TIMP3: variants seen among roughly 807,000 people sequenced by gnomAD.
TIMP3 encodes the protein metalloproteinase inhibitor 3.
A neutral mutation model predicts 30.0 loss-of-function variants in TIMP3; 11 were observed. The observed-to-expected ratio is 0.37, with a 90% CI of 0.23 to 0.61. The LOEUF (loss-of-function observed/expected upper bound fraction) is 0.61, where lower values mean the gene tolerates loss of function less well. Among genes scored for constraint, TIMP3 ranks in the 20% least tolerant of loss-of-function variants. The pLI, the probability that TIMP3 is intolerant of heterozygous loss-of-function variation, is 0.70. For synonymous variants in TIMP3, 112 were observed against 111.3 expected (o/e 1.01, Z -0.04); for missense variants, 181 against 276.8 (o/e 0.65, Z 2.45).
chr22:32,855,595 T>C (rs182037839), intron 2 of TIMP3, among the ~76,000 whole-genome samples: 2 of 152,156 alleles, frequency 1.3e-5, no homozygotes, highest in South Asian at 4.1e-4. Flanking sequence ...TCCTACCTCA[T>C]AGGGTTGTCA....
At chr22:32,813,799 C>A (rs560594225) in intron 1 of TIMP3, among the ~76,000 whole-genome samples, 5 of 152,142 alleles carry the variant, frequency 3.3e-5, no homozygotes, top group South Asian at 2.1e-4. Context: ...CAAGTTAATT[C>A]CCTGGTCTCA....
At position 32,810,369 on chromosome 22, in the gene TIMP3, C is replaced by G. The variant is rs541139907; in HGVS notation, c.121+8247C>G. ...AATCCGATCACCTAATGGTGGCATT[C>G]ACGGCTTGGAGACAAGAAACTATAA... On this transcript the variant is annotated intron_variant, in intron 1 of 4. Coordinates refer to ENST00000266085, the MANE Select transcript of TIMP3 (RefSeq NM_000362.5). 2.0e-5 allele frequency among the ~76,000 whole-genome samples: 3 copies of G among 152,300 alleles called. No individual in the cohort carries two copies. The South Asian group carries it at 6.2e-4, about 32-fold the overall frequency.
intron 1 of TIMP3, among the ~76,000 whole-genome samples, chr22:32,845,173 G>A (rs200325412): frequency 7.5e-6 from 1 of 132,748 alleles, no homozygotes; most frequent in East Asian, 2.2e-4. Flanking sequence ...TGGTGCTTCT[G>A]TACCTTGGAG....
intron 2 of TIMP3, among the ~76,000 whole-genome samples, chr22:32,854,405 ATT>A (rs2048307130): frequency 6.6e-6 from 1 of 152,178 alleles, no homozygotes; most frequent in South Asian, 2.1e-4. Flanking sequence ...CAGGGGCTTC[ATT>A]CTCTCACCCA....
chr22:32,843,929 TTG>T (rs146581623), intron 1 of TIMP3, among the ~76,000 whole-genome samples: 5 of 151,362 alleles, frequency 3.3e-5, no homozygotes, highest in African/African-American at 1.2e-4. Context: ...AATGGGGGTG[TTG>T]TGTGTGTGTG....
intron 1 of TIMP3, among the ~76,000 whole-genome samples, chr22:32,820,350 C>T: frequency 8.9e-6 from 1 of 112,442 alleles, no homozygotes; most frequent in South Asian, 3.4e-4. Flanking sequence ...ACCCATTCCA[C>T]TGCGTGTGTG....
chr22:32,826,528 T>G (rs1027856505), intron 1 of TIMP3, among the ~76,000 whole-genome samples: 1 of 152,194 alleles, frequency 6.6e-6, no homozygotes, highest in Non-Finnish European at 1.5e-5. Context: ...CTCGGTCCTA[T>G]TTTGTTAAAT....
At chr22:32,830,329 T>C (rs2047536087) in intron 1 of TIMP3, among the ~76,000 whole-genome samples, 1 of 152,218 alleles carries the variant, frequency 6.6e-6, no homozygotes, top group Admixed American at 6.5e-5. Context: ...CCTTAATGCC[T>C]GCAACATCCT....
intron 1 of TIMP3, among the ~76,000 whole-genome samples, chr22:32,820,263 C>CGT (rs1194847590): frequency 8.2e-6 from 1 of 121,950 alleles, no homozygotes; most frequent in East Asian, 2.3e-4. Context: ...TGTGTGTGTG[C>CGT]GTGCGCGTGT....
intron 1 of TIMP3, among the ~76,000 whole-genome samples, chr22:32,829,001 G>A (rs987187902): frequency 6.6e-6 from 1 of 152,204 alleles, no homozygotes; most frequent in African/African-American, 2.4e-5. Context: ...GAGCGGTCTT[G>A]AGGGTTGGAG....
Position 32,837,132 on chromosome 22 carries a change from T to C in TIMP3, c.122-12320T>C, listed in dbSNP as rs2146171278. Among the ~76,000 whole-genome samples the C allele has an allele frequency of 6.6e-6, 1 of 152,330 alleles. No individual in the cohort carries two copies. Among genetic ancestry groups the C allele is most frequent in the South Asian group, 2.1e-4 (1 of 4,828 alleles). On this transcript the variant is annotated intron_variant, in intron 1 of 4. Coordinates refer to ENST00000266085, the MANE Select transcript of TIMP3 (RefSeq NM_000362.5). The surrounding 1 kb of genome is among the most constrained non-coding windows in gnomAD (Gnocchi z 4.1). Reference sequence around the variant, plus strand: ...AGATGGCTCCTGAGATGTTGCCAGCTGTTTGGGCTTCAAAAATGCCCCGAC... The same window carrying C: ...AGATGGCTCCTGAGATGTTGCCAGCCGTTTGGGCTTCAAAAATGCCCCGAC...
In TIMP3 at chr22:32,861,068, T is replaced by C. The variant is rs1260915410; in HGVS notation, c.*1691T>C. 6.6e-6 allele frequency: 1 copy of C among 152,318 alleles called. No individual in the cohort carries two copies. Among genetic ancestry groups the C allele is most frequent in the African/African-American group, 2.4e-5 (1 of 41,370 alleles). The allele number at this position is 152,318 out of a possible 1,614,324, so 9.4% of individuals were successfully genotyped here. On this transcript the variant is annotated 3_prime_UTR_variant, in exon 5 of 5. Coordinates refer to ENST00000266085, the MANE Select transcript of TIMP3 (RefSeq NM_000362.5). ...GGCAGGATGGTGACATTGAACATGA[T>C]TGCTCTCTGTCTCTTTTTTCAGCTT...
chr22:32,814,185 G>A lies in TIMP3; in HGVS notation c.121+12063G>A, dbSNP rs7511579. Reference sequence around the variant, plus strand: ...GAGAGAGAAAGAGAAAGAAAGAAAAGAAAGAAAGAAAGAAAGAAAGAAAAC... The same window carrying A: ...GAGAGAGAAAGAGAAAGAAAGAAAAAAAAGAAAGAAAGAAAGAAAGAAAAC... On this transcript the variant is annotated intron_variant, in intron 1 of 4. Transcript: ENST00000266085. Among the ~76,000 whole-genome samples the A allele has an allele frequency of 7.2e-3, 78 of 10,858 alleles. 1 individual carries two copies. The highest frequency in any genetic ancestry group is 0.026 in the African/African-American group (72 of 2,718). The allele number at this position is 10,858 out of a possible 152,430, so 7.1% of individuals were successfully genotyped here.
intron 1 of TIMP3, among the ~76,000 whole-genome samples, chr22:32,813,953 ATT>A (rs2046985404): frequency 6.6e-6 from 1 of 152,162 alleles, no homozygotes; most frequent in Admixed American, 6.5e-5. Context: ...CAGCCATCAT[ATT>A]ATTACTACAT....
intron 1 of TIMP3, among the ~76,000 whole-genome samples, chr22:32,807,693 C>A (rs1342238080): frequency 6.6e-6 from 1 of 150,894 alleles, no homozygotes; most frequent in African/African-American, 2.4e-5. Context: ...CCCCTTCACC[C>A]TGGCTCTAAA....
chr22:32,839,969 A>T (rs2047846110), intron 1 of TIMP3, among the ~76,000 whole-genome samples: 1 of 151,900 alleles, frequency 6.6e-6, no homozygotes. Flanking sequence ...AGGTGAGGAG[A>T]GCCAGGAGCT....
chr22:32,857,667 C>T (rs866309050), intron 3 of TIMP3, among the ~76,000 whole-genome samples: 3 of 152,116 alleles, frequency 2.0e-5, no homozygotes, highest in Non-Finnish European at 4.4e-5. Context: ...CTGTTAGGCC[C>T]GTCTTTGAAA....
intron 2 of TIMP3, among the ~76,000 whole-genome samples, chr22:32,854,112 C>A (rs181422756): frequency 6.1e-4 from 93 of 152,308 alleles, no homozygotes; most frequent in Admixed American, 1.1e-3. Context: ...TGATTACAGA[C>A]ATGATACTTT....
chr22:32,843,411 T>C (rs1204872026), intron 1 of TIMP3, among the ~76,000 whole-genome samples: 1 of 152,200 alleles, frequency 6.6e-6, no homozygotes, highest in Non-Finnish European at 1.5e-5. Flanking sequence ...TTGGGCAGGC[T>C]ACATTGTAGA....
Sources: allele counts gnomAD v4.1 joint callset (sites outside exome capture counted in the v4.1 genomes callset), GRCh38; gene constraint gnomAD v4.1.1; non-coding constraint Gnocchi (gnomAD v3.1); transcripts MANE v1.5; gene names NCBI Gene and HGNC (gene_info 2026-07-23, HGNC 2026-07-21).